The following CEP170 variants were observed in gnomAD, a reference collection of about 807,000 sequenced individuals.
The protein encoded by CEP170 is centrosomal protein of 170 kDa.
In CEP170, 21 loss-of-function variants were observed where a neutral mutation model predicts 151.9. The observed-to-expected ratio is 0.14, with a 90% CI of 0.10 to 0.20. CEP170 has a LOEUF of 0.20. Among genes scored for constraint, CEP170 ranks in the 10% least tolerant of loss-of-function variants. CEP170 has a pLI of 1.00. For synonymous variants in CEP170, 356 were observed against 648.8 expected (o/e 0.55, Z 6.86); for missense variants, 964 against 1,892.9 (o/e 0.51, Z 9.11).
intron 1 of CEP170, among the ~76,000 whole-genome samples, chr1:243,236,986 A>G (rs1266027743): frequency 6.6e-6 from 1 of 152,194 alleles, no homozygotes; most frequent in African/African-American, 2.4e-5. Flanking sequence ...CTGATTCACT[A>G]TACATTAACT....
chr1:243,217,987 C>A (rs1373925979), intron 3 of CEP170, among the ~76,000 whole-genome samples: 1 of 152,208 alleles, frequency 6.6e-6, no homozygotes, highest in Non-Finnish European at 1.5e-5. Context: ...AAACCACTAA[C>A]CCCACAGAAG....
rs559360372 is a variant in CEP170 at position 243,169,576 on chromosome 1, T to C, written c.1843+52A>G. On this transcript the variant is annotated intron_variant, in intron 12 of 19. Transcript: ENST00000366542. Reference sequence around the variant, plus strand: ...GAAGAGTAAGAGAAAGAGAGAGAAATGGAGAAAGAGAAGAAAAAAGGGATA... The same window carrying C: ...GAAGAGTAAGAGAAAGAGAGAGAAACGGAGAAAGAGAAGAAAAAAGGGATA... The C allele has an allele frequency of 7.6e-5, 115 of 1,511,808 alleles. No homozygotes were observed. In the South Asian group the frequency reaches 1.3e-3, roughly 18 times the overall value. 93.6% of individuals were successfully genotyped at this position (1,511,808 alleles called of 1,614,324 possible).
intron 1 of CEP170, among the ~76,000 whole-genome samples, chr1:243,249,964 G>C (rs575965999): frequency 2.0e-5 from 3 of 152,128 alleles, no homozygotes; most frequent in Admixed American, 1.3e-4. Flanking sequence ...CCGGCTACTC[G>C]GGAGGCCGAG....
intron 17 of CEP170, among the ~76,000 whole-genome samples, chr1:243,135,425 C>CT (rs1303282800): frequency 6.6e-6 from 1 of 152,098 alleles, no homozygotes; most frequent in Non-Finnish European, 1.5e-5. Context: ...CCAGGATGAT[C>CT]TTGATCTCCT....
At chr1:243,141,587 T>G in intron 15 of CEP170, among the ~76,000 whole-genome samples, 1 of 152,244 alleles carries the variant, frequency 6.6e-6, no homozygotes, top group East Asian at 1.9e-4. Flanking sequence ...ATCCTTTGCT[T>G]ACATTTCTGC....
At chr1:243,194,392 A>T (rs556546365) in intron 7 of CEP170, among the ~76,000 whole-genome samples, 2 of 152,132 alleles carry the variant, frequency 1.3e-5, no homozygotes, top group Admixed American at 1.3e-4. Context: ...AGTAATACTG[A>T]TATTGATGAT....
chr1:243,213,177 C>T (rs1048294922), intron 3 of CEP170, among the ~76,000 whole-genome samples: 141 of 151,950 alleles, frequency 9.3e-4, no homozygotes, highest in African/African-American at 3.2e-3. Context: ...AAGGGCTCAA[C>T]AGGCACACAT....
In CEP170 at chr1:243,239,193, C is replaced by T. The variant is rs866679353; in HGVS notation, c.-41-13872G>A. ...TTAATTTTTAAAAAACAGAAAGAACCCTTTCATCTAACGAAATGTGCCTTT... is the reference window on the plus strand; with the variant it reads ...TTAATTTTTAAAAAACAGAAAGAACTCTTTCATCTAACGAAATGTGCCTTT... On this transcript the variant is annotated intron_variant, in intron 1 of 19. Transcript: ENST00000366542. Among the ~76,000 whole-genome samples the T allele has an allele frequency of 3.3e-5, 5 of 152,300 alleles. No homozygotes were observed. In the Middle Eastern group the frequency reaches 0.01, roughly 311 times the overall value.
intron 16 of CEP170, among the ~76,000 whole-genome samples, chr1:243,137,645 C>T (rs113742598): frequency 2.6e-5 from 4 of 151,588 alleles, no homozygotes; most frequent in East Asian, 1.9e-4. Context: ...CGTGCTGGTG[C>T]GTGCCTGTAG....
At chr1:243,206,434 A>G (rs540757754) in intron 4 of CEP170, among the ~76,000 whole-genome samples, 1 of 152,358 alleles carries the variant, frequency 6.6e-6, no homozygotes, top group Admixed American at 6.5e-5. Flanking sequence ...TGCCCGGCCA[A>G]TATTATCTTT....
chr1:243,166,706 A>T (rs1197564548), intron 12 of CEP170: 2 of 152,302 alleles, frequency 1.3e-5, no homozygotes, highest in Non-Finnish European at 2.9e-5. Context: ...GATGAAAATT[A>T]GAGTCATCTG....
At chr1:243,137,722 C>T (rs1170659011) in intron 16 of CEP170, among the ~76,000 whole-genome samples, 2 of 149,074 alleles carry the variant, frequency 1.3e-5, no homozygotes, top group Non-Finnish European at 3.0e-5. Context: ...TTGCAGTGGG[C>T]GGAGATAGCA....
chr1:243,164,349 T>A lies in CEP170; in HGVS notation c.3611A>T (p.Asn1204Ile). Residue 1204 changes from asparagine to isoleucine, a missense_variant, in exon 13 of 20, where the codon AAC becomes ATC. Asn to Ile is a moderately radical substitution (Grantham distance 149). Coordinates refer to ENST00000366542, the MANE Select transcript of CEP170 (RefSeq NM_014812.3). ...GGAGTCTGAGAGTCGAGAGATACTGTTAGCTCTAATTCTAGGAGAAAATTT... is the reference window on the plus strand; with the variant it reads ...GGAGTCTGAGAGTCGAGAGATACTGATAGCTCTAATTCTAGGAGAAAATTT... ...SDKFSPRIRA[N>I]SISRLSDSKV... 1 of 1,534,222 alleles carries A rather than the reference T, an allele frequency of 6.5e-7. No homozygotes were observed.
At chr1:243,186,688 TAATA>T (rs2059958426) in intron 8 of CEP170, among the ~76,000 whole-genome samples, 1 of 152,238 alleles carries the variant, frequency 6.6e-6, no homozygotes, top group Non-Finnish European at 1.5e-5. Flanking sequence ...ATCAATGTCT[TAATA>T]GATAATTGAT....
chr1:243,251,982 GGCTAACTCACT>G (rs1169237351), intron 1 of CEP170, among the ~76,000 whole-genome samples: 1 of 151,994 alleles, frequency 6.6e-6, no homozygotes, highest in East Asian at 1.9e-4. Context: ...CTCTCACAAT[GGCTAACTCACT>G]GCTGAACACT....
intron 7 of CEP170, among the ~76,000 whole-genome samples, chr1:243,196,993 T>C (rs1479766629): frequency 1.3e-5 from 2 of 152,080 alleles, no homozygotes; most frequent in African/African-American, 2.4e-5. Flanking sequence ...AGGCTGACCA[T>C]GGAAACTGGG....
At chr1:243,189,588 AAT>A (rs2060177578) in intron 8 of CEP170, among the ~76,000 whole-genome samples, 1 of 151,984 alleles carries the variant, frequency 6.6e-6, no homozygotes, top group African/African-American at 2.4e-5. Flanking sequence ...TAGTAATAAT[AAT>A]AGTCAATATA....
intron 1 of CEP170, among the ~76,000 whole-genome samples, chr1:243,254,813 G>A (rs1468749611): frequency 2.0e-5 from 3 of 151,586 alleles, no homozygotes; most frequent in Admixed American, 6.5e-5. Flanking sequence ...GGGATGGGAA[G>A]GGTGGTCCCG....
chr1:243,129,024 CATTAT>C, intron 18 of CEP170, among the ~76,000 whole-genome samples: 1 of 151,808 alleles, frequency 6.6e-6, no homozygotes, highest in Non-Finnish European at 1.5e-5. Flanking sequence ...AGAAGATAAG[CATTAT>C]ATTAAGTAAA....
Sources: allele counts gnomAD v4.1 joint callset (sites outside exome capture counted in the v4.1 genomes callset), GRCh38; gene constraint gnomAD v4.1.1; transcripts MANE v1.5; gene names NCBI Gene and HGNC (gene_info 2026-07-23, HGNC 2026-07-21).